Variants in MGAT4C observed in about 807,000 individuals in gnomAD.
MGAT4C encodes the protein alpha-1,3-mannosyl-glycoprotein 4-beta-N-acetylglucosaminyltransferase C.
Under a neutral mutation model 40.1 loss-of-function variants are expected in MGAT4C, and 19 were observed. That is an observed-to-expected ratio of 0.47 (90% CI 0.33 to 0.70). The LOEUF (loss-of-function observed/expected upper bound fraction) is 0.70. Ranked by LOEUF, MGAT4C falls within the 30% of genes least tolerant of loss-of-function variation. MGAT4C has a pLI of 0.02. For synonymous variants in MGAT4C, 181 were observed against 187.1 expected, an observed-to-expected ratio of 0.97 and a Z score of 0.27; for missense variants, 491 against 563.2, an observed-to-expected ratio of 0.87 and a Z score of 1.30.
intron 1 of MGAT4C, among the ~76,000 whole-genome samples, chr12:86,236,855 T>A (rs1438278194): frequency 1.3e-5 from 2 of 151,950 alleles, no homozygotes; most frequent in African/African-American, 4.8e-5. Flanking sequence ...AGTTATCTAA[T>A]GTGATTATCT....
chr12:86,408,479 C>CTCTCTCTCTCTCTATATATA lies in MGAT4C; in HGVS notation c.-120+26677_-120+26678insTATATATAGAGAGAGAGAGA, dbSNP rs1267344319. ...TCTCTCTCTCTCTCTCTCTCTCTCT[C>CTCTCTCTCTCTCTATATATA]TATATATATATATATATATATATAT... is the stretch of plus-strand genomic sequence containing the variant. On this transcript the variant is annotated intron_variant, in intron 3 of 7. Coordinates refer to the MGAT4C transcript ENST00000548651. Among the ~76,000 whole-genome samples the CTCTCTCTCTCTCTATATATA allele has an allele frequency of 9.5e-5, 6 of 63,344 alleles. 1 individual carries two copies. Among genetic ancestry groups the CTCTCTCTCTCTCTATATATA allele is most frequent in the African/African-American group, 3.9e-4 (5 of 12,768 alleles). 41.6% of individuals were successfully genotyped at this position (63,344 alleles called of 152,430 possible). A position where few individuals can be genotyped will look rare whatever the true frequency, so the allele number is the denominator to read the frequency against.
intron 1 of MGAT4C, among the ~76,000 whole-genome samples, chr12:86,108,700 TCTCC>T: frequency 6.6e-6 from 1 of 152,238 alleles, no homozygotes; most frequent in Admixed American, 6.6e-5. Context: ...AAATGTTAAG[TCTCC>T]ACTCCAAGGT....
intron 2 of MGAT4C, among the ~76,000 whole-genome samples, chr12:86,596,847 C>T (rs1215227908): frequency 6.6e-6 from 1 of 152,166 alleles, no homozygotes; most frequent in Non-Finnish European, 1.5e-5. Flanking sequence ...CCTAAGCCCT[C>T]TACTGAACTG....
intron 1 of MGAT4C, among the ~76,000 whole-genome samples, chr12:86,232,952 A>T (rs1042971862): frequency 1.3e-5 from 2 of 152,244 alleles, no homozygotes; most frequent in African/African-American, 4.8e-5. Context: ...TACAGCAGTC[A>T]GTAAATGGCA....
chr12:86,013,104 C>T (rs1292464603), intron 2 of MGAT4C, among the ~76,000 whole-genome samples: 5 of 152,174 alleles, frequency 3.3e-5, no homozygotes, highest in Non-Finnish European at 7.3e-5. Flanking sequence ...TACTGCACAG[C>T]CTGGGCAAAA....
chr12:86,644,585 G>C (rs1009477524), intron 2 of MGAT4C, among the ~76,000 whole-genome samples: 2 of 151,534 alleles, frequency 1.3e-5, no homozygotes, highest in African/African-American at 4.8e-5. Flanking sequence ...AATTCTACCC[G>C]AAGTATCAAC....
intron 1 of MGAT4C, among the ~76,000 whole-genome samples, chr12:86,128,978 TGTAA>T (rs780157165): frequency 1.3e-5 from 2 of 152,182 alleles, no homozygotes; most frequent in African/African-American, 4.8e-5. Flanking sequence ...ATCAGTCGGC[TGTAA>T]GTATTTGGGT....
At position 86,162,432 on chromosome 12, in the gene MGAT4C, G is replaced by A. The variant is rs140304913; in HGVS notation, c.-57+93807C>T. 3.7e-3 allele frequency among the ~76,000 whole-genome samples: 560 copies of A among 152,178 alleles called. 2 individuals are homozygous for A. Among genetic ancestry groups the A allele is most frequent in the African/African-American group, 0.012 (502 of 41,518 alleles). On this transcript the variant is annotated intron_variant, in intron 1 of 4. Transcript: ENST00000611864. ...ACCACATATCCTTACTTACGAGTGGGAGCTAAACATTGGATACACATGGAC... is the reference window on the plus strand; with the variant it reads ...ACCACATATCCTTACTTACGAGTGGAAGCTAAACATTGGATACACATGGAC...
chr12:86,351,805 A>G (rs1426529045), intron 3 of MGAT4C, among the ~76,000 whole-genome samples: 2 of 152,072 alleles, frequency 1.3e-5, no homozygotes, highest in Non-Finnish European at 2.9e-5. Context: ...GTTACATGGA[A>G]AACGCATTTG....
intron 2 of MGAT4C, among the ~76,000 whole-genome samples, chr12:86,554,564 G>C (rs1959520113): frequency 6.6e-6 from 1 of 152,086 alleles, no homozygotes; most frequent in Non-Finnish European, 1.5e-5. Context: ...GGACTTCCAG[G>C]TGCTCCTATT....
intron 1 of MGAT4C, among the ~76,000 whole-genome samples, chr12:86,152,558 C>T (rs1414167711): frequency 1.3e-5 from 2 of 152,164 alleles, no homozygotes; most frequent in African/African-American, 2.4e-5. Flanking sequence ...TTTTGGGGAG[C>T]ACATTCAAGC....
At position 86,755,741 on chromosome 12, in the gene MGAT4C, C is replaced by T. The variant is rs557560734; in HGVS notation, c.-261-28500G>A. On this transcript the variant is annotated intron_variant, in intron 1 of 7. Transcript: ENST00000548651. Reference sequence around the variant, plus strand: ...CTGGTCACTACAGCCTCAACCTCCCCAGCTCAGGTGACTCTCCAGCCACAG... The same window carrying T: ...CTGGTCACTACAGCCTCAACCTCCCTAGCTCAGGTGACTCTCCAGCCACAG... Among the ~76,000 whole-genome samples the T allele has an allele frequency of 8.6e-5, 13 of 151,740 alleles. No homozygotes were observed. The East Asian group carries it at 2.0e-3, about 23-fold the overall frequency.
chr12:86,465,743 G>A (rs748419335), intron 2 of MGAT4C, among the ~76,000 whole-genome samples: 20 of 152,164 alleles, frequency 1.3e-4, no homozygotes, highest in Non-Finnish European at 2.2e-4. Context: ...ATGCTGGCAA[G>A]GATGTGGAGC....
At chr12:86,492,223 A>C (rs1958151409) in intron 2 of MGAT4C, among the ~76,000 whole-genome samples, 1 of 152,214 alleles carries the variant, frequency 6.6e-6, no homozygotes, top group African/African-American at 2.4e-5. Context: ...CATATTGCCC[A>C]AGGTAAGTTA....
At chr12:86,116,884 A>G (rs1167301847) in intron 1 of MGAT4C, among the ~76,000 whole-genome samples, 2 of 152,156 alleles carry the variant, frequency 1.3e-5, no homozygotes, top group African/African-American at 4.8e-5. Context: ...GAACAGCAGA[A>G]GATCAAAATT....
intron 1 of MGAT4C, among the ~76,000 whole-genome samples, chr12:86,835,516 T>C (rs1263949733): frequency 1.3e-5 from 2 of 150,260 alleles, no homozygotes; most frequent in African/African-American, 2.4e-5. Flanking sequence ...CAAAATAAAA[T>C]GCAAATGAAA....
chr12:86,466,904 C>G (rs1259711897), intron 2 of MGAT4C, among the ~76,000 whole-genome samples: 2 of 152,046 alleles, frequency 1.3e-5, no homozygotes, highest in Non-Finnish European at 2.9e-5. Context: ...CACATAATTT[C>G]TATAAATTTC....
At chr12:86,576,178 T>C (rs892580283) in intron 2 of MGAT4C, among the ~76,000 whole-genome samples, 9 of 151,962 alleles carry the variant, frequency 5.9e-5, no homozygotes, top group Non-Finnish European at 1.2e-4. Flanking sequence ...GATTGGATTA[T>C]TAGATTTTTT....
intron 2 of MGAT4C, among the ~76,000 whole-genome samples, chr12:86,471,037 T>C (rs1464589716): frequency 1.3e-5 from 2 of 151,780 alleles, no homozygotes; most frequent in Non-Finnish European, 2.9e-5. Context: ...ATTTCAGAAA[T>C]GAAGACAAAA....
Sources: gnomAD v4.1 joint callset for allele counts (sites outside exome capture counted in the v4.1 genomes callset) on GRCh38, gnomAD v4.1.1 for gene constraint, MANE v1.5 for transcripts, NCBI Gene and HGNC (gene_info 2026-07-23, HGNC 2026-07-21) for gene names.